Variants in ARSB observed in about 807,000 individuals in gnomAD.
ARSB encodes the protein N-acetylgalactosamine-4-sulfatase.
Under a neutral mutation model 50.9 loss-of-function variants are expected in ARSB, and 41 were observed. The ratio of observed to expected loss-of-function variants is 0.81; its 90% CI spans 0.63 to 1.04. ARSB has a LOEUF of 1.04. ARSB is among the 50% of genes least tolerant of loss of function. The pLI is 0.00. For synonymous variants in ARSB, 269 were observed against 284.8 expected, an observed-to-expected ratio of 0.94 and a Z score of 0.56; for missense variants, 672 against 693.3, an observed-to-expected ratio of 0.97 and a Z score of 0.35.
chr5:78,781,719 G>T (rs1748930530), intron 7 of ARSB, 133 bp downstream of exon 7: 3 of 1,341,582 alleles, frequency 2.2e-6, no homozygotes, highest in Non-Finnish European at 3.2e-6. Flanking sequence ...GAGTGATAAT[G>T]TCCTCTCTTT....
chr5:78,887,658 G>A (rs1409963643), intron 4 of ARSB, among the ~76,000 whole-genome samples: 1 of 152,320 alleles, frequency 6.6e-6, no homozygotes, highest in East Asian at 1.9e-4. Context: ...AAATAGTTTA[G>A]TATTATAACC....
chr5:78,923,302 A>G (rs1477387849), intron 4 of ARSB, among the ~76,000 whole-genome samples: 1 of 152,224 alleles, frequency 6.6e-6, no homozygotes, highest in Non-Finnish European at 1.5e-5. Context: ...GTGTGGCCCC[A>G]TGGGCACTGA....
At chr5:78,824,051 G>C (rs1744338396) in intron 6 of ARSB, among the ~76,000 whole-genome samples, 1 of 152,128 alleles carries the variant, frequency 6.6e-6, no homozygotes, top group Non-Finnish European at 1.5e-5. Flanking sequence ...ATGTTTTAAA[G>C]AGCTGTTCTT....
chr5:78,892,990 C>T (rs1402390500), intron 4 of ARSB, among the ~76,000 whole-genome samples: 1 of 152,198 alleles, frequency 6.6e-6, no homozygotes, highest in African/African-American at 2.4e-5. Flanking sequence ...ACCCAAATCT[C>T]ATCTTGAATT....
At chr5:78,873,707 G>T (rs895189828) in intron 5 of ARSB, among the ~76,000 whole-genome samples, 34 of 151,272 alleles carry the variant, frequency 2.2e-4, no homozygotes, top group Non-Finnish European at 4.1e-4. Flanking sequence ...GTTTTAGCCG[G>T]GATGGTCTCG....
chr5:78,842,338 A>G (rs1359281472), intron 5 of ARSB, among the ~76,000 whole-genome samples: 1 of 152,212 alleles, frequency 6.6e-6, no homozygotes, highest in Non-Finnish European at 1.5e-5. Flanking sequence ...CCTAGGAGAT[A>G]TTTCAGAGTC....
At chr5:78,831,141 G>A (rs1561445616) in intron 6 of ARSB, among the ~76,000 whole-genome samples, 1 of 152,080 alleles carries the variant, frequency 6.6e-6, no homozygotes, top group Non-Finnish European at 1.5e-5. Context: ...ACTGTTGTTT[G>A]GACATATTTA....
chr5:78,917,434 T>G (rs539148233), intron 4 of ARSB, among the ~76,000 whole-genome samples: 2 of 152,346 alleles, frequency 1.3e-5, no homozygotes, highest in African/African-American at 4.8e-5. Flanking sequence ...AAGTCATTTT[T>G]TTTTCTTTTT....
chr5:78,823,239 C>A (rs1744305591), intron 6 of ARSB, among the ~76,000 whole-genome samples: 1 of 152,188 alleles, frequency 6.6e-6, no homozygotes, highest in African/African-American at 2.4e-5. Context: ...AATGATGACA[C>A]TGGGCAAGAT....
At chr5:78,948,062 T>C (rs1409723311) in intron 4 of ARSB, among the ~76,000 whole-genome samples, 2 of 152,086 alleles carry the variant, frequency 1.3e-5, no homozygotes, top group African/African-American at 4.8e-5. Context: ...TCTCACTTAT[T>C]TGTAAGAGCT....
intron 5 of ARSB, among the ~76,000 whole-genome samples, chr5:78,861,877 C>G (rs966116948): frequency 6.6e-6 from 1 of 152,040 alleles, no homozygotes; most frequent in African/African-American, 2.4e-5. Context: ...TCATCTCAGC[C>G]CAAAATCTCC....
At chr5:78,845,433 A>G (rs1201948006) in intron 5 of ARSB, among the ~76,000 whole-genome samples, 1 of 152,022 alleles carries the variant, frequency 6.6e-6, no homozygotes, top group Admixed American at 6.6e-5. Flanking sequence ...TTCTATTTTT[A>G]GTTTTTTGAG....
At chr5:78,942,931 C>T (rs560204459) in intron 4 of ARSB, among the ~76,000 whole-genome samples, 1 of 152,268 alleles carries the variant, frequency 6.6e-6, no homozygotes, top group Non-Finnish European at 1.5e-5. Context: ...CTTTGTAGGT[C>T]TCTAAGGACT....
chr5:78,812,451 G>A (rs1210654459), intron 6 of ARSB, among the ~76,000 whole-genome samples: 2 of 152,174 alleles, frequency 1.3e-5, no homozygotes, highest in Non-Finnish European at 2.9e-5. Context: ...TATGTAAAAC[G>A]TGTATATGTA....
At chr5:78,852,601 C>T (rs1356761880) in intron 5 of ARSB, among the ~76,000 whole-genome samples, 2 of 152,070 alleles carry the variant, frequency 1.3e-5, no homozygotes, top group African/African-American at 4.8e-5. Flanking sequence ...TGAATGTTGG[C>T]CTGCCTTGCT....
intron 6 of ARSB, among the ~76,000 whole-genome samples, chr5:78,786,848 CCT>C (rs1456546755): frequency 6.6e-6 from 1 of 152,122 alleles, no homozygotes; most frequent in African/African-American, 2.4e-5. Flanking sequence ...CTCAAGCAAT[CCT>C]CTCACTCCAG....
chr5:78,985,281 G>T lies in ARSB; in HGVS notation c.-33C>A. On this transcript the variant is annotated 5_prime_UTR_variant, in exon 1 of 8. Coordinates refer to ENST00000264914, the MANE Select transcript of ARSB (RefSeq NM_000046.5). Reference sequence around the variant, plus strand: ...CGCCCGCGGTCCCAGCGCCTGTGGCGCCACCAGCCCCTTGTACCGCTGATA... The same window carrying T: ...CGCCCGCGGTCCCAGCGCCTGTGGCTCCACCAGCCCCTTGTACCGCTGATA... 1 of 1,290,288 alleles carries T rather than the reference G, an allele frequency of 7.8e-7. No individual in the cohort carries two copies. The allele number at this position is 1,290,288 out of a possible 1,614,324, so 79.9% of individuals were successfully genotyped here. A position where few individuals can be genotyped will look rare whatever the true frequency, so the allele number is the denominator to read the frequency against.
chr5:78,909,586 GT>G (rs944538451), intron 4 of ARSB, among the ~76,000 whole-genome samples: 5 of 152,210 alleles, frequency 3.3e-5, no homozygotes, highest in Admixed American at 1.3e-4. Context: ...TTAACAAAAT[GT>G]TTACAGGCAG....
chr5:78,891,896 C>T (rs1051314644), intron 4 of ARSB, among the ~76,000 whole-genome samples: 30 of 152,216 alleles, frequency 2.0e-4, no homozygotes, highest in African/African-American at 6.3e-4. Flanking sequence ...ATCACCCCTA[C>T]TGCCCCATGT....
Sources: gnomAD v4.1 joint callset for allele counts (sites outside exome capture counted in the v4.1 genomes callset) on GRCh38, gnomAD v4.1.1 for gene constraint, MANE v1.5 for transcripts, NCBI Gene and HGNC (gene_info 2026-07-23, HGNC 2026-07-21) for gene names.